RNF38: variants seen among roughly 807,000 people sequenced by gnomAD.
RNF38 encodes E3 ubiquitin-protein ligase RNF38.
RNF38 carries 15 observed loss-of-function variants against 67.2 expected under a neutral mutation model. That is an observed-to-expected ratio of 0.22 (90% CI 0.15 to 0.34). The LOEUF is 0.34. Among genes scored for constraint, RNF38 ranks in the 10% least tolerant of loss-of-function variants. The probability of loss-of-function intolerance (pLI) is 1.00; values close to 1 mark genes in which losing one functional copy is unlikely to be tolerated. For missense variants in RNF38, 524 were observed against 639.9 expected (o/e 0.82, Z 1.95); for synonymous variants, 220 against 218.8 (o/e 1.01, Z -0.05).
intron 4 of RNF38, among the ~76,000 whole-genome samples, chr9:36,364,164 C>T (rs7874839): frequency 0.35 from 53,345 of 151,702 alleles, 9,515 homozygotes; most frequent in Middle Eastern, 0.48. Flanking sequence ...AGTGTGCCTG[C>T]CTCTCCTCCA....
chr9:36,367,094 T>C (rs1835028374), intron 4 of RNF38, among the ~76,000 whole-genome samples: 1 of 152,208 alleles, frequency 6.6e-6, no homozygotes, highest in South Asian at 2.1e-4. Flanking sequence ...AGGAAGGGTC[T>C]CCTATATAGA....
intron 2 of RNF38, among the ~76,000 whole-genome samples, chr9:36,414,826 T>A (rs140526731): frequency 0.011 from 1,680 of 152,316 alleles, 29 homozygotes; most frequent in African/African-American, 0.038. Flanking sequence ...TTAGTTTCAC[T>A]GGATACAAAA....
rs533739145 is a variant in RNF38 at position 36,406,427 on chromosome 9, T to G, written n.313-15811A>C. Reference sequence around the variant, plus strand: ...CTGCCATCACATCCACATCCAAGTATCCCTACTATAATCTCACTCCAACAA... The same window carrying G: ...CTGCCATCACATCCACATCCAAGTAGCCCTACTATAATCTCACTCCAACAA... On this transcript the variant is annotated intron_variant and non_coding_transcript_variant, in intron 2 of 3. Coordinates refer to the RNF38 transcript ENST00000488058. Among the ~76,000 whole-genome samples the G allele has an allele frequency of 7.9e-5, 12 of 152,302 alleles. No individual in the cohort carries two copies. The East Asian group carries it at 2.3e-3, about 29-fold the overall frequency.
chr9:36,336,792 GAGTCGGT>G lies in RNF38; in HGVS notation c.*2953_*2959del, dbSNP rs1472409104. 4 of 152,662 alleles carry G rather than the reference GAGTCGGT, an allele frequency of 2.6e-5. No individual in the cohort carries two copies. The highest frequency in any genetic ancestry group is 3.4e-3 in the Middle Eastern group (1 of 294). 9.5% of individuals were successfully genotyped at this position (152,662 alleles called of 1,614,324 possible). ...ATCTGTGAAAAATATTCTCACAAGT[GAGTCGGT>G]AGATCTCATTCAAAATTATTCTAAG... On this transcript the variant is annotated 3_prime_UTR_variant, in exon 12 of 12. Coordinates refer to ENST00000259605, the MANE Select transcript of RNF38 (RefSeq NM_022781.5).
intron 3 of RNF38, among the ~76,000 whole-genome samples, chr9:36,371,436 C>T (rs541808988): frequency 5.0e-4 from 74 of 147,320 alleles, no homozygotes; most frequent in African/African-American, 1.8e-3. Flanking sequence ...CACCTTAGGA[C>T]TAAAAGCTTT....
At chr9:36,452,917 T>C (rs1006040723) in intron 1 of RNF38, among the ~76,000 whole-genome samples, 3 of 152,190 alleles carry the variant, frequency 2.0e-5, no homozygotes, top group African/African-American at 7.2e-5. Flanking sequence ...GGCATTTGAA[T>C]TGTTTCTGTT....
At chr9:36,486,753 C>A (rs562831074) in intron 1 of RNF38, among the ~76,000 whole-genome samples, 1 of 152,118 alleles carries the variant, frequency 6.6e-6, no homozygotes, top group South Asian at 2.1e-4. Flanking sequence ...CTCCCCAGGG[C>A]ACCACCAAGC....
chr9:36,397,990 A>AT (rs1281003385), intron 1 of RNF38, among the ~76,000 whole-genome samples: 3 of 152,212 alleles, frequency 2.0e-5, no homozygotes, highest in South Asian at 4.1e-4. Flanking sequence ...CACACGGCGC[A>AT]CACACATATA....
chr9:36,401,002 G>C (rs1049704628), upstream of RNF38: 5 of 983,724 alleles, frequency 5.1e-6, no homozygotes, highest in African/African-American at 8.8e-5. Context: ...TGCGCGCGCA[G>C]GCGACTCCCC....
intron 1 of RNF38, among the ~76,000 whole-genome samples, chr9:36,478,099 A>G (rs1276877641): frequency 1.3e-5 from 2 of 152,142 alleles, no homozygotes; most frequent in Admixed American, 6.6e-5. Context: ...AAGATTGCCA[A>G]CAAGACTTCT....
intron 1 of RNF38, among the ~76,000 whole-genome samples, chr9:36,486,246 G>A (rs747004828): frequency 6.6e-6 from 1 of 152,030 alleles, no homozygotes. Context: ...CCCTTCCAAG[G>A]GACATCCGCA....
At chr9:36,341,577 C>CT (rs530668336) in intron 11 of RNF38, among the ~76,000 whole-genome samples, 143 of 149,360 alleles carry the variant, frequency 9.6e-4, no homozygotes, top group Admixed American at 2.1e-3. Flanking sequence ...CTTTTGTAAA[C>CT]TTTTTTTTTT....
At chr9:36,471,014 C>T (rs1182256776) in intron 1 of RNF38, among the ~76,000 whole-genome samples, 1 of 152,148 alleles carries the variant, frequency 6.6e-6, no homozygotes, top group Non-Finnish European at 1.5e-5. Flanking sequence ...AGGTGAACTA[C>T]GTACATATTT....
intron 4 of RNF38, among the ~76,000 whole-genome samples, chr9:36,359,593 T>C (rs1170353798): frequency 3.3e-5 from 5 of 152,220 alleles, no homozygotes; most frequent in Admixed American, 6.5e-5. Context: ...TAAGAAATTC[T>C]TCTCACCATA....
chr9:36,341,783 CCT>C (rs1159446646), intron 11 of RNF38, among the ~76,000 whole-genome samples: 1 of 102,944 alleles, frequency 9.7e-6, no homozygotes, highest in East Asian at 3.3e-4. Flanking sequence ...ACACTGAGAC[CCT>C]GTTTCAAAAT....
intron 2 of RNF38, among the ~76,000 whole-genome samples, chr9:36,378,142 T>C (rs1835915917): frequency 6.6e-6 from 1 of 151,136 alleles, no homozygotes. Flanking sequence ...GCTGCACAAC[T>C]GGTGAAACAG....
In RNF38 at chr9:36,342,282, A is replaced by G. The variant is rs762700422; in HGVS notation, c.1485+43T>C. 5 of 1,368,146 alleles carry G rather than the reference A, an allele frequency of 3.7e-6. No individual in the cohort carries two copies. In the African/African-American group the frequency reaches 7.1e-5, roughly 20 times the overall value. 84.8% of individuals were successfully genotyped at this position (1,368,146 alleles called of 1,614,324 possible). Reference sequence around the variant, plus strand: ...TACTCTAATCCATGGTCAATAAAATAGAAAATTCAATGTCATTTCCTTTAA... The same window carrying G: ...TACTCTAATCCATGGTCAATAAAATGGAAAATTCAATGTCATTTCCTTTAA... On this transcript the variant is annotated intron_variant, in intron 11 of 11. Coordinates refer to ENST00000259605, the MANE Select transcript of RNF38 (RefSeq NM_022781.5).
At chr9:36,396,662 G>C (rs1837531199) in intron 1 of RNF38, among the ~76,000 whole-genome samples, 1 of 152,102 alleles carries the variant, frequency 6.6e-6, no homozygotes, top group Non-Finnish European at 1.5e-5. Flanking sequence ...TTATGCAAAA[G>C]GCAGGCCTGG....
intron 1 of RNF38, among the ~76,000 whole-genome samples, chr9:36,391,378 C>T (rs1280173808): frequency 6.6e-6 from 1 of 151,894 alleles, no homozygotes; most frequent in African/African-American, 2.4e-5. Flanking sequence ...AATATACTTA[C>T]TCTGTAACAT....
Sources: allele counts gnomAD v4.1 joint callset (sites outside exome capture counted in the v4.1 genomes callset), GRCh38; gene constraint gnomAD v4.1.1; transcripts MANE v1.5; gene names NCBI Gene and HGNC (gene_info 2026-07-23, HGNC 2026-07-21).